The following ABCE1 variants were observed in gnomAD, a reference collection of about 807,000 sequenced individuals.
ABCE1 encodes the protein ATP-binding cassette sub-family E member 1.
ABCE1 carries 22 observed loss-of-function variants against 83.4 expected under a neutral mutation model. The observed-to-expected ratio is 0.26, with a 90% confidence interval of 0.19 to 0.38. ABCE1 has a LOEUF of 0.38. Among genes scored for constraint, ABCE1 ranks in the 10% least tolerant of loss-of-function variants. ABCE1 has a pLI of 1.00. For synonymous variants in ABCE1, 204 were observed against 233.7 expected (o/e 0.87, Z 1.16); for missense variants, 330 against 721.9 (o/e 0.46, Z 6.22).
At position 145,124,971 on chromosome 4, in the gene ABCE1, A is replaced by ATTTTTT. The variant is rs4148246; in HGVS notation, c.1641-13_1641-8dup. 9.0e-6 allele frequency: 10 copies of ATTTTTT among 1,117,120 alleles called. No homozygotes were observed. Among genetic ancestry groups the ATTTTTT allele is most frequent in the South Asian group, 1.6e-5 (1 of 61,036 alleles). The allele number at this position is 1,117,120 out of a possible 1,614,324, so 69.2% of individuals were successfully genotyped here. A position where few individuals can be genotyped will look rare whatever the true frequency, so the allele number is the denominator to read the frequency against. On this transcript the variant is annotated intron_variant, in intron 16 of 17. Coordinates refer to ENST00000296577, the MANE Select transcript of ABCE1 (RefSeq NM_002940.3). ...CTGAAGTAAAATTTAATCAAAATTG[A>ATTTTTT]TTTTTTTTTTTCTCTTAGTCCTCAA...
intron 9 of ABCE1, 53 bp from the exon 10 acceptor site, chr4:145,117,240 C>A: frequency 6.8e-7 from 1 of 1,472,024 alleles, no homozygotes; most frequent in Non-Finnish European, 9.2e-7. Context: ...AAATTTCCAA[C>A]TATTAAAAAT....
At chr4:145,110,292 T>C in intron 6 of ABCE1, 52 bp downstream of exon 6, 1 of 1,598,494 alleles carries the variant, frequency 6.3e-7, no homozygotes, top group Non-Finnish European at 8.5e-7. Context: ...GTATAAAAGA[T>C]ATATCAAAAT....
At chr4:145,125,458 ACT>A (rs1405256590) in intron 17 of ABCE1, among the ~76,000 whole-genome samples, 1 of 151,870 alleles carries the variant, frequency 6.6e-6, no homozygotes, top group Non-Finnish European at 1.5e-5. Context: ...AAAGAGTGAG[ACT>A]CTGTCTAAAA....
chr4:145,103,579 A>C (rs1235041680), intron 1 of ABCE1, among the ~76,000 whole-genome samples: 2 of 152,230 alleles, frequency 1.3e-5, no homozygotes, highest in African/African-American at 4.8e-5. Context: ...TTTCATTGCT[A>C]TTATGATTAT....
In ABCE1 at chr4:145,117,412, A is replaced by G. The variant is rs575206331; in HGVS notation, c.920A>G (p.Glu307Gly). ...GVVTMPFSVR[E>G]GINIFLDGYV... ...GTCACTATGCCTTTTAGTGTAAGAG[A>G]AGGTAACTTGAAAAACTTTTTTCAC... The change falls in exon 10 of 18, where the codon GAA becomes GGA. Residue 307 changes from glutamate (E) to glycine (G), a missense_variant and splice_region_variant. By Grantham distance (98) the Glu-to-Gly change is moderately conservative. Transcript: ENST00000296577. 6.2e-7 allele frequency: 1 copy of G among 1,609,090 alleles called. No individual in the cohort carries two copies. The highest frequency in any genetic ancestry group is 1.3e-5 in the African/African-American group (1 of 74,780).
chr4:145,126,059 C>T (rs1749878843), intron 17 of ABCE1, among the ~76,000 whole-genome samples: 1 of 151,920 alleles, frequency 6.6e-6, no homozygotes, highest in African/African-American at 2.4e-5. Flanking sequence ...CCCCCGCAAC[C>T]CCCGCAAAAA....
In ABCE1 at chr4:145,123,559, C is replaced by T. The variant is rs1384576049; in HGVS notation, c.1599C>T (p.Ile533=). ...IMATYLADRV[I]VFDGVPSKNT... The stretch of plus-strand genomic sequence containing the variant: ...CCACCTATCTAGCGGATCGCGTCAT[C>T]GTTTTTGATGGTGTTCCATCTAAGA... The change falls in exon 16 of 18, where the codon ATC becomes ATT. Residue 533 remains isoleucine, a synonymous_variant. Coordinates refer to ENST00000296577, the MANE Select transcript of ABCE1 (RefSeq NM_002940.3). The T allele has an allele frequency of 4.4e-6, 7 of 1,606,016 alleles. No individual in the cohort carries two copies. In the African/African-American group the frequency reaches 5.3e-5, roughly 12 times the overall value.
At chr4:145,112,672 G>T (rs1749513920) in intron 9 of ABCE1, among the ~76,000 whole-genome samples, 1 of 152,048 alleles carries the variant, frequency 6.6e-6, no homozygotes. Context: ...CTTAGAATTT[G>T]TAAGAATCAC....
At chr4:145,119,249 G>A (rs1311776174) in intron 10 of ABCE1, among the ~76,000 whole-genome samples, 1 of 151,850 alleles carries the variant, frequency 6.6e-6, no homozygotes, top group African/African-American at 2.4e-5. Context: ...AGGAAACACT[G>A]AAATATGGAT....
chr4:145,102,941 G>C (rs962694198), intron 1 of ABCE1, among the ~76,000 whole-genome samples: 1 of 151,918 alleles, frequency 6.6e-6, no homozygotes, highest in Non-Finnish European at 1.5e-5. Context: ...TGAGGAGAGG[G>C]GTTAAATGAG....
intron 9 of ABCE1, among the ~76,000 whole-genome samples, chr4:145,114,473 A>G (rs1328923946): frequency 6.6e-6 from 1 of 152,118 alleles, no homozygotes; most frequent in Non-Finnish European, 1.5e-5. Flanking sequence ...TAACAATAAG[A>G]GGAAAACTAA....
intron 13 of ABCE1, chr4:145,122,003 C>T (rs560906294): frequency 6.6e-6 from 1 of 152,378 alleles, no homozygotes; most frequent in South Asian, 2.1e-4. Flanking sequence ...ATGGGAGAAA[C>T]ATTTGCACAT....
At chr4:145,110,840 CAGTAATTGTT>C (rs1167395600) in intron 7 of ABCE1, 118 bp from the exon 8 acceptor site, 1 of 612,850 alleles carries the variant, frequency 1.6e-6, no homozygotes, top group African/African-American at 1.9e-5. Flanking sequence ...TGAAAATCTC[CAGTAATTGTT>C]ATATTTAAAC....
chr4:145,107,923 A>G (rs1315755154), intron 3 of ABCE1, 92 bp from the exon 4 acceptor site: 37 of 919,900 alleles, frequency 4.0e-5, no homozygotes, highest in Non-Finnish European at 5.8e-5. Flanking sequence ...CATGTTTAGA[A>G]GATTGCTTAT....
chr4:145,113,448 G>C (rs965832938), intron 9 of ABCE1, among the ~76,000 whole-genome samples: 4 of 152,100 alleles, frequency 2.6e-5, no homozygotes, highest in African/African-American at 9.7e-5. Context: ...TATGTTTAAG[G>C]GGTCTGGAAC....
At chr4:145,121,832 A>G (rs1193976173) in intron 13 of ABCE1, 3 of 156,414 alleles carry the variant, frequency 1.9e-5, no homozygotes, top group African/African-American at 4.8e-5. Flanking sequence ...AGATTGCATC[A>G]CTACACTCTA....
At chr4:145,103,299 T>G (rs1749204674) in intron 1 of ABCE1, among the ~76,000 whole-genome samples, 1 of 152,174 alleles carries the variant, frequency 6.6e-6, no homozygotes, top group South Asian at 2.1e-4. Context: ...AAAGACAACA[T>G]GATCTCTTTC....
chr4:145,110,828 A>T, intron 7 of ABCE1, 140 bp from the exon 8 acceptor site: 1 of 597,108 alleles, frequency 1.7e-6, no homozygotes, highest in Non-Finnish European at 2.9e-6. Flanking sequence ...TATGTGGATT[A>T]CTGAAAATCT....
chr4:145,113,992 G>T (rs1749548912), intron 9 of ABCE1, among the ~76,000 whole-genome samples: 1 of 152,116 alleles, frequency 6.6e-6, no homozygotes, highest in Admixed American at 6.5e-5. Context: ...GTGATGAAAG[G>T]ATTATGACTG....
Sources: allele counts gnomAD v4.1 joint callset (sites outside exome capture counted in the v4.1 genomes callset), GRCh38; gene constraint gnomAD v4.1.1; transcripts MANE v1.5; gene names NCBI Gene and HGNC (gene_info 2026-07-23, HGNC 2026-07-21).